SPATA1: variants seen among roughly 807,000 people sequenced by gnomAD.
The protein encoded by SPATA1 is spermatogenesis-associated protein 1.
A neutral mutation model predicts 59.6 loss-of-function variants in SPATA1; 57 were observed. That is an observed-to-expected ratio of 0.96 (90% CI 0.77 to 1.19). The LOEUF is 1.19. Ranked by LOEUF, SPATA1 falls within the 50% of genes most tolerant of loss-of-function variation. The pLI is 0.00. For missense variants in SPATA1, 448 were observed against 480.7 expected (o/e 0.93, Z 0.64); for synonymous variants, 147 against 163.9 (o/e 0.90, Z 0.79).
chr1:84,561,946 A>G (rs955020277), intron 4 of SPATA1, among the ~76,000 whole-genome samples: 2 of 152,156 alleles, frequency 1.3e-5, no homozygotes, highest in African/African-American at 4.8e-5. Context: ...TTATTGCTAT[A>G]TTTACTTTAT....
At chr1:84,557,481 C>CGA (rs1166130120), downstream of SPATA1, among the ~76,000 whole-genome samples, 1 of 137,058 alleles carries the variant, frequency 7.3e-6, no homozygotes, top group Non-Finnish European at 1.5e-5. Flanking sequence ...CGCAGTCAGC[C>CGA]GAGATCGTGC....
Position 84,533,714 on chromosome 1 carries a change from G to A in SPATA1, c.665G>A (p.Cys222Tyr), listed in dbSNP as rs1239546719. 1.9e-6 allele frequency: 3 copies of A among 1,563,096 alleles called. No homozygotes were observed. The South Asian group carries it at 3.6e-5, about 19-fold the overall frequency. The stretch of plus-strand genomic sequence containing the variant: ...AACCTGTCATTTCCTTTAAGTCAGT[G>A]TCTTTGGGAAAATGAAGATGATACA... The change falls in exon 8 of 13, where the codon TGT becomes TAT. Residue 222 changes from cysteine to tyrosine, a missense_variant. Coordinates refer to ENST00000490879, the Ensembl canonical transcript of SPATA1.
chr1:84,565,978 A>G (rs778270771), exon 5 of SPATA1: 17 of 1,577,678 alleles, frequency 1.1e-5, no homozygotes, highest in Admixed American at 7.3e-5. Context: ...TCTTCTGTCT[A>G]TGTTCTTTGG....
chr1:84,548,497 T>C (rs1204276878), intron 10 of SPATA1, among the ~76,000 whole-genome samples: 1 of 148,202 alleles, frequency 6.7e-6, no homozygotes, highest in Non-Finnish European at 1.5e-5. Context: ...TATATATTAC[T>C]ATTCAATGTA....
exon 5 of SPATA1, chr1:84,525,746 A>G: frequency 1.9e-6 from 3 of 1,605,956 alleles, no homozygotes; most frequent in East Asian, 2.2e-5. Flanking sequence ...TTGCTCCTCC[A>G]TATGTATGTA....
chr1:84,525,699 A>G, exon 5 of SPATA1: 1 of 1,584,774 alleles, frequency 6.3e-7, no homozygotes, highest in South Asian at 1.2e-5. Context: ...TTTCTAGGTG[A>G]AGGAAAAGCA....
intron 1 of SPATA1, among the ~76,000 whole-genome samples, chr1:84,514,034 G>C (rs1400484094): frequency 6.6e-6 from 1 of 151,592 alleles, no homozygotes; most frequent in Non-Finnish European, 1.5e-5. Context: ...TAATAGAGAC[G>C]GGGTTTCACC....
chr1:84,560,233 T>C (rs1684565271), intron 4 of SPATA1, among the ~76,000 whole-genome samples: 1 of 152,022 alleles, frequency 6.6e-6, no homozygotes, highest in Non-Finnish European at 1.5e-5. Flanking sequence ...AGTCTAAAAA[T>C]GTTACTCTAA....
chr1:84,517,698 TTGACTC>T (rs1357588058), intron 2 of SPATA1, among the ~76,000 whole-genome samples: 1 of 152,006 alleles, frequency 6.6e-6, no homozygotes, highest in Non-Finnish European at 1.5e-5. Context: ...TTCCAATAGA[TTGACTC>T]TGACTCTTCT....
exon 3 of SPATA1, chr1:84,520,679 C>G: frequency 6.4e-7 from 1 of 1,557,432 alleles, no homozygotes; most frequent in Non-Finnish European, 8.7e-7. Context: ...TTCATTTCAG[C>G]TGGATTTCTA....
chr1:84,555,715 T>C (rs1216175784), downstream of SPATA1, among the ~76,000 whole-genome samples: 1 of 152,236 alleles, frequency 6.6e-6, no homozygotes, highest in African/African-American at 2.4e-5. Context: ...TGCGGAGCTT[T>C]TAAAATACAG....
chr1:84,525,610 A>G (rs1683183001), intron 4 of SPATA1, 86 bp from the exon 5 acceptor site: 1 of 1,090,516 alleles, frequency 9.2e-7, no homozygotes, highest in Non-Finnish European at 1.3e-6. Context: ...CCACAAATAC[A>G]TGCCTTCTGC....
intron 1 of SPATA1, among the ~76,000 whole-genome samples, chr1:84,510,506 TAAC>T (rs1682490671): frequency 6.6e-6 from 1 of 152,070 alleles, no homozygotes; most frequent in Non-Finnish European, 1.5e-5. Flanking sequence ...AGATAGACAA[TAAC>T]AAATGCTGGT....
intron 6 of SPATA1, among the ~76,000 whole-genome samples, chr1:84,527,851 T>G (rs888812069): frequency 6.6e-6 from 1 of 152,072 alleles, no homozygotes; most frequent in Non-Finnish European, 1.5e-5. Flanking sequence ...TGCCTCAGCC[T>G]CCCTAAGTAC....
intron 8 of SPATA1, among the ~76,000 whole-genome samples, chr1:84,537,476 A>G (rs1468661277): frequency 2.6e-5 from 4 of 152,146 alleles, no homozygotes; most frequent in Non-Finnish European, 4.4e-5. Context: ...CCACATGAAG[A>G]TTCACATCCC....
chr1:84,547,181 A>G (rs1196165215), intron 10 of SPATA1, among the ~76,000 whole-genome samples: 2 of 152,192 alleles, frequency 1.3e-5, no homozygotes, highest in Non-Finnish European at 2.9e-5. Flanking sequence ...TAAAAAAGCA[A>G]TTTTATCAGA....
At chr1:84,559,264 G>A (rs1446414899), downstream of SPATA1, among the ~76,000 whole-genome samples, 1 of 152,140 alleles carries the variant, frequency 6.6e-6, no homozygotes, top group African/African-American at 2.4e-5. Context: ...TCTGCAATCA[G>A]TGGTCTTTGA....
chr1:84,565,153 C>T (rs1194689430), intron 4 of SPATA1, among the ~76,000 whole-genome samples: 1 of 150,500 alleles, frequency 6.6e-6, no homozygotes, highest in East Asian at 1.9e-4. Flanking sequence ...GAGCCCTGAT[C>T]GTGCCACTGC....
At chr1:84,532,888 C>G (rs1265049339) in exon 7 of SPATA1, 6 of 1,551,644 alleles carry the variant, frequency 3.9e-6, no homozygotes, top group Non-Finnish European at 5.2e-6. Flanking sequence ...CAGAAAAAAG[C>G]CAAATTGCAA....
Sources: gnomAD v4.1 joint callset for allele counts (sites outside exome capture counted in the v4.1 genomes callset) on GRCh38, gnomAD v4.1.1 for gene constraint, MANE v1.5 for transcripts, NCBI Gene and HGNC (gene_info 2026-07-23, HGNC 2026-07-21) for gene names.